Variants in LRRC56 observed in about 807,000 individuals in gnomAD.
The protein encoded by LRRC56 is leucine-rich repeat-containing protein 56.
A neutral mutation model predicts 47.8 loss-of-function variants in LRRC56; 41 were observed. The observed-to-expected ratio is 0.86, with a 90% CI of 0.67 to 1.11. LRRC56 has a LOEUF of 1.11. Among genes scored for constraint, LRRC56 ranks in the 50% most tolerant of loss-of-function variants. LRRC56 has a pLI of 0.00. For missense variants in LRRC56, 759 were observed against 704.2 expected, an observed-to-expected ratio of 1.08 and a Z score of -0.88; for synonymous variants, 387 against 311.2, an observed-to-expected ratio of 1.24 and a Z score of -2.56.
the LRRC56 span, among the ~76,000 whole-genome samples, chr11:513,217 G>A: frequency 5.3e-5 from 8 of 152,336 alleles, no homozygotes; most frequent in African/African-American, 1.7e-4. Flanking sequence ...GCGCAGTGGC[G>A]CAATCTCGGC....
the LRRC56 span, among the ~76,000 whole-genome samples, chr11:509,049 A>C: frequency 1.3e-5 from 2 of 152,008 alleles, no homozygotes; most frequent in Non-Finnish European, 2.9e-5. Context: ...CCATCTCAAA[A>C]AAGAAAAAAG....
the LRRC56 span, among the ~76,000 whole-genome samples, chr11:525,174 C>T: frequency 7.3e-5 from 11 of 151,658 alleles, no homozygotes; most frequent in African/African-American, 1.7e-4. Flanking sequence ...GAGGCCGAGG[C>T]GGGCAGATCA....
upstream of LRRC56, chr11:536,996 C>T (rs1237297197): frequency 6.6e-6 from 1 of 152,098 alleles, no homozygotes; most frequent in East Asian, 1.9e-4. Context: ...GCGTGTCCCG[C>T]GGGCCGGGCA....
chr11:533,746 G>A (rs945960704), upstream of LRRC56: 1 of 1,612,926 alleles, frequency 6.2e-7, no homozygotes, highest in African/African-American at 1.3e-5. Flanking sequence ...GGGCTCCCGG[G>A]CCAGCCTCAC....
Position 554,580 on chromosome 11 carries a change from CTG to C in LRRC56, c.*307_*308del. ...GTGGGGGGTGGTCACCCGAGCAGGC[CTG>C]TGAGAGGCCTCTCCTGCTAGAATTG... On this transcript the variant is annotated 3_prime_UTR_variant, in exon 14 of 14. Coordinates refer to ENST00000270115, the MANE Select transcript of LRRC56 (RefSeq NM_198075.4). 1 of 418,124 alleles carries C rather than the reference CTG, an allele frequency of 2.4e-6. No individual in the cohort carries two copies. The highest frequency in any genetic ancestry group is 5.8e-5 in the South Asian group (1 of 17,332). The allele number at this position is 418,124 out of a possible 1,614,324, so 25.9% of individuals were successfully genotyped here.
In LRRC56 at chr11:538,728, T is replaced by G. The variant is rs1299224229; in HGVS notation, c.-291T>G. On this transcript the variant is annotated 5_prime_UTR_variant, in exon 2 of 14. Transcript: ENST00000270115. Reference sequence around the variant, plus strand: ...AAGTGGCTACATGTGCATCTGCCTGTTCACGGATTCCTTCGACAAATATTT... The same window carrying G: ...AAGTGGCTACATGTGCATCTGCCTGGTCACGGATTCCTTCGACAAATATTT... The G allele has an allele frequency of 6.6e-6, 1 of 152,276 alleles. No individual in the cohort carries two copies. 9.4% of individuals were successfully genotyped at this position (152,276 alleles called of 1,614,324 possible).
chr11:546,617 C>T (rs906027017), intron 6 of LRRC56, among the ~76,000 whole-genome samples: 2 of 151,792 alleles, frequency 1.3e-5, no homozygotes, highest in Non-Finnish European at 2.9e-5. Flanking sequence ...AGTTGGAAAA[C>T]ACTTTGGGGT....
chr11:541,246 C>T lies in LRRC56; in HGVS notation c.178-291C>T, dbSNP rs961597150. Among the ~76,000 whole-genome samples the T allele has an allele frequency of 4.6e-5, 7 of 152,126 alleles. No individual in the cohort carries two copies. Among genetic ancestry groups the T allele is most frequent in the East Asian group, 1.9e-4 (1 of 5,178 alleles). ...GCTCAGGGCAGGGCCCGGCGCGGTCCGGGCTCTGGGTGCCGGGTGTGGTGT... is the reference window on the plus strand; with the variant it reads ...GCTCAGGGCAGGGCCCGGCGCGGTCTGGGCTCTGGGTGCCGGGTGTGGTGT... On this transcript the variant is annotated intron_variant, in intron 4 of 13. Transcript: ENST00000270115. The surrounding 1 kb of genome is among the most constrained non-coding windows in gnomAD (Gnocchi z 4.1).
chr11:551,331 T>A (rs1852377368), intron 9 of LRRC56, 29 bp downstream of exon 9: 1 of 1,463,688 alleles, frequency 6.8e-7, no homozygotes, highest in African/African-American at 1.4e-5. Context: ...GAGGACCCAC[T>A]GCTGAGCCCC....
chr11:532,848 C>A (rs1471048243), upstream of LRRC56: 3 of 1,247,768 alleles, frequency 2.4e-6, no homozygotes, highest in East Asian at 4.9e-5. Context: ...CTTGCCTGGC[C>A]CGAAGCTCCC....
chr11:547,509 C>T (rs551673768), intron 6 of LRRC56, among the ~76,000 whole-genome samples: 22 of 151,812 alleles, frequency 1.4e-4, no homozygotes, highest in African/African-American at 4.8e-4. Flanking sequence ...CCTGCCACCA[C>T]GCCCGGCTAA....
the LRRC56 span, chr11:532,524 T>G: frequency 6.3e-6 from 9 of 1,425,532 alleles, no homozygotes; most frequent in Admixed American, 1.8e-4. Flanking sequence ...GAGCTTGTGC[T>G]GGGCGGGGCA....
At chr11:546,035 C>T (rs1179174414) in intron 6 of LRRC56, among the ~76,000 whole-genome samples, 1 of 152,196 alleles carries the variant, frequency 6.6e-6, no homozygotes, top group Admixed American at 6.5e-5. Flanking sequence ...CTTTGGGAGG[C>T]CGAGGTGGGC....
At chr11:534,124 AC>A, upstream of LRRC56, 1 of 1,229,692 alleles carries the variant, frequency 8.1e-7, no homozygotes, top group Non-Finnish European at 1.2e-6. Flanking sequence ...CATGCAGGGG[AC>A]CAGGGGCTGC....
At chr11:526,156 A>G in the LRRC56 span, among the ~76,000 whole-genome samples, 88 of 151,412 alleles carry the variant, frequency 5.8e-4, 1 homozygote, top group African/African-American at 2.0e-3. Context: ...ACAGTGAGCC[A>G]AGATCGCACC....
At chr11:532,429 G>A in the LRRC56 span, 1 of 711,096 alleles carries the variant, frequency 1.4e-6, no homozygotes. Context: ...GGCTCCAGCA[G>A]CCCTTCCTTC....
At chr11:512,728 T>C in the LRRC56 span, among the ~76,000 whole-genome samples, 1 of 152,226 alleles carries the variant, frequency 6.6e-6, no homozygotes, top group South Asian at 2.1e-4. Context: ...CTTCCTTTTC[T>C]CAATACTATA....
the LRRC56 span, among the ~76,000 whole-genome samples, chr11:511,404 C>G: frequency 6.6e-5 from 10 of 151,858 alleles, no homozygotes; most frequent in African/African-American, 2.2e-4. Flanking sequence ...GTGGCTGTTG[C>G]AGGTTCATAC....
At chr11:509,323 GTTTCA>G in the LRRC56 span, among the ~76,000 whole-genome samples, 1 of 152,194 alleles carries the variant, frequency 6.6e-6, no homozygotes. Flanking sequence ...AAATGTTCTG[GTTTCA>G]TTTCATTCTT....
Sources: gnomAD v4.1 joint callset for allele counts (sites outside exome capture counted in the v4.1 genomes callset) on GRCh38, gnomAD v4.1.1 for gene constraint, Gnocchi (gnomAD v3.1) non-coding constraint, MANE v1.5 for transcripts, NCBI Gene and HGNC (gene_info 2026-07-23, HGNC 2026-07-21) for gene names.